The following EPHA6 variants were observed in gnomAD, a reference collection of about 807,000 sequenced individuals.
EPHA6 encodes EPH receptor A6.
A neutral mutation model predicts 112.0 loss-of-function variants in EPHA6; 50 were observed. That is an observed-to-expected ratio of 0.45 (90% CI 0.36 to 0.56). EPHA6 has a LOEUF of 0.56. Ranked by LOEUF, EPHA6 falls within the 20% of genes least tolerant of loss-of-function variation. The pLI, the probability that EPHA6 is intolerant of heterozygous loss-of-function variation, is 0.00. For synonymous variants in EPHA6, 529 were observed against 490.7 expected, an observed-to-expected ratio of 1.08 and a Z score of -1.03; for missense variants, 1,280 against 1,417.4, an observed-to-expected ratio of 0.90 and a Z score of 1.56.
At chr3:97,046,156 A>T (rs1430714119) in intron 3 of EPHA6, among the ~76,000 whole-genome samples, 1 of 152,166 alleles carries the variant, frequency 6.6e-6, no homozygotes, top group Non-Finnish European at 1.5e-5. Context: ...CCATTTTTAT[A>T]TTTGAACAAG....
intron 3 of EPHA6, among the ~76,000 whole-genome samples, chr3:97,172,761 A>G (rs550359099): frequency 2.0e-5 from 3 of 152,116 alleles, no homozygotes; most frequent in Admixed American, 2.0e-4. Flanking sequence ...TTACTGTTGT[A>G]TTCTATCAGT....
intron 10 of EPHA6, among the ~76,000 whole-genome samples, chr3:97,529,320 T>C (rs1464412882): frequency 1.3e-5 from 2 of 152,126 alleles, no homozygotes; most frequent in Admixed American, 6.6e-5. Context: ...TACTAGTACC[T>C]ACCTCAAAGG....
intron 7 of EPHA6, among the ~76,000 whole-genome samples, chr3:97,470,736 G>T (rs941467637): frequency 6.6e-6 from 1 of 151,344 alleles, no homozygotes; most frequent in African/African-American, 2.4e-5. Context: ...AAACGCTGTT[G>T]CTCAGTTACA....
At chr3:97,117,244 G>T (rs967810797) in intron 3 of EPHA6, among the ~76,000 whole-genome samples, 2 of 151,432 alleles carry the variant, frequency 1.3e-5, no homozygotes, top group African/African-American at 4.8e-5. Context: ...AAGATGTATG[G>T]TTTGCAAAAT....
chr3:97,578,891 T>C lies in EPHA6; in HGVS notation c.2387-13721T>C, dbSNP rs536205375. On this transcript the variant is annotated intron_variant, in intron 11 of 17. Coordinates refer to ENST00000389672, the MANE Select transcript of EPHA6 (RefSeq NM_001080448.3). ...TTAAAAATTTGGTCAGTCAATACTT[T>C]TAAATACAATCACACATACACACAT... Among the ~76,000 whole-genome samples the C allele has an allele frequency of 2.6e-5, 4 of 152,330 alleles. No homozygotes were observed. In the East Asian group the frequency reaches 7.7e-4, roughly 29 times the overall value.
chr3:97,711,104 G>C (rs1467725245), intron 14 of EPHA6, among the ~76,000 whole-genome samples: 2 of 152,126 alleles, frequency 1.3e-5, no homozygotes, highest in Non-Finnish European at 2.9e-5. Context: ...TGAATCGTGG[G>C]AGTAAGTCTT....
chr3:97,578,717 C>G (rs374150292), intron 11 of EPHA6, among the ~76,000 whole-genome samples: 1 of 151,922 alleles, frequency 6.6e-6, no homozygotes, highest in Non-Finnish European at 1.5e-5. Context: ...TTTTTCAGAC[C>G]GAAGATTTTC....
intron 3 of EPHA6, among the ~76,000 whole-genome samples, chr3:97,058,355 C>T (rs1009855974): frequency 7.9e-5 from 12 of 151,804 alleles, no homozygotes; most frequent in Admixed American, 1.3e-4. Context: ...TGAAGTACAA[C>T]GGCGTGATCT....
At chr3:97,383,831 A>G (rs2109029279) in intron 5 of EPHA6, among the ~76,000 whole-genome samples, 1 of 152,268 alleles carries the variant, frequency 6.6e-6, no homozygotes, top group East Asian at 1.9e-4. Context: ...TAGTGTCTCC[A>G]AAAGGTACTT....
At chr3:96,884,620 T>C (rs1042169522) in intron 2 of EPHA6, among the ~76,000 whole-genome samples, 1 of 152,198 alleles carries the variant, frequency 6.6e-6, no homozygotes, top group Non-Finnish European at 1.5e-5. Flanking sequence ...AGGAGCTTTC[T>C]GGAGGAGTCC....
chr3:96,973,742 C>T (rs1020338579), intron 2 of EPHA6, among the ~76,000 whole-genome samples: 16 of 150,188 alleles, frequency 1.1e-4, no homozygotes, highest in African/African-American at 2.0e-4. Context: ...AGGGAAATTG[C>T]CTGAACCCGG....
intron 3 of EPHA6, among the ~76,000 whole-genome samples, chr3:97,148,993 G>T (rs1481520654): frequency 6.6e-6 from 1 of 152,062 alleles, no homozygotes; most frequent in Non-Finnish European, 1.5e-5. Flanking sequence ...CTGCAGATGG[G>T]TTTCTTTGAT....
At chr3:97,399,819 T>C (rs2086888516) in intron 5 of EPHA6, among the ~76,000 whole-genome samples, 1 of 151,614 alleles carries the variant, frequency 6.6e-6, no homozygotes, top group Non-Finnish European at 1.5e-5. Flanking sequence ...GAGTTCCATG[T>C]ATAGTCCTTG....
At chr3:97,087,294 G>T (rs2046932465) in intron 3 of EPHA6, among the ~76,000 whole-genome samples, 1 of 152,120 alleles carries the variant, frequency 6.6e-6, no homozygotes, top group African/African-American at 2.4e-5. Flanking sequence ...CTAGACTTCT[G>T]ATGGGGGTGT....
At chr3:97,712,309 C>G (rs1358993162) in intron 14 of EPHA6, among the ~76,000 whole-genome samples, 1 of 152,048 alleles carries the variant, frequency 6.6e-6, no homozygotes, top group Non-Finnish European at 1.5e-5. Flanking sequence ...AGAGAGAATA[C>G]CTCAAGAGAG....
intron 5 of EPHA6, among the ~76,000 whole-genome samples, chr3:97,302,545 G>A (rs1216531587): frequency 6.6e-6 from 1 of 150,482 alleles, no homozygotes; most frequent in African/African-American, 2.4e-5. Flanking sequence ...CTACCCTTAA[G>A]TGGTATATAT....
intron 3 of EPHA6, among the ~76,000 whole-genome samples, chr3:97,169,677 G>A (rs116732547): frequency 2.9e-4 from 44 of 152,152 alleles, no homozygotes; most frequent in Middle Eastern, 3.4e-3. Context: ...GTAGTGCTTC[G>A]TAAAATGCAG....
intron 3 of EPHA6, among the ~76,000 whole-genome samples, chr3:97,108,101 G>A (rs1029205396): frequency 6.6e-6 from 1 of 152,052 alleles, no homozygotes; most frequent in African/African-American, 2.4e-5. Flanking sequence ...AATTCTAGCT[G>A]GTACTTTCCA....
chr3:97,017,658 G>A (rs1285323936), intron 3 of EPHA6, among the ~76,000 whole-genome samples: 3 of 152,174 alleles, frequency 2.0e-5, no homozygotes, highest in Non-Finnish European at 2.9e-5. Flanking sequence ...CATGCTGCTA[G>A]ATGTATTGGA....
Sources: allele counts gnomAD v4.1 joint callset (sites outside exome capture counted in the v4.1 genomes callset), GRCh38; gene constraint gnomAD v4.1.1; transcripts MANE v1.5; gene names NCBI Gene and HGNC (gene_info 2026-07-23, HGNC 2026-07-21).